ZNF79: variants seen among roughly 807,000 people sequenced by gnomAD.
ZNF79 encodes the protein ZNFpT7.
Under a neutral mutation model 14.9 loss-of-function variants are expected in ZNF79, and 13 were observed. The ratio of observed to expected loss-of-function variants is 0.87; its 90% CI spans 0.57 to 1.38. The LOEUF (loss-of-function observed/expected upper bound fraction) is 1.38. Among genes scored for constraint, ZNF79 ranks in the 40% most tolerant of loss-of-function variants. The probability of loss-of-function intolerance (pLI) is 0.00; values close to 1 mark genes in which losing one functional copy is unlikely to be tolerated. For synonymous variants in ZNF79, 223 were observed against 235.1 expected (o/e 0.95, Z 0.47); for missense variants, 631 against 630.6 (o/e 1.00, Z -0.01).
rs189496135 is a variant in ZNF79 at position 127,441,894 on chromosome 9, G to A, written c.329-2135G>A. Among the ~76,000 whole-genome samples the A allele has an allele frequency of 5.7e-4, 86 of 150,382 alleles. No individual in the cohort carries two copies. In the East Asian group the frequency reaches 0.016, roughly 27 times the overall value. On this transcript the variant is annotated intron_variant, in intron 4 of 4. Transcript: ENST00000342483. ...CGGGAGGCAGAGCTTGCAGTGAGCC[G>A]AGATTGTGCCACTGCACTCCAGCCT...
At chr9:127,425,671 CA>C (rs1325688604) in intron 1 of ZNF79, among the ~76,000 whole-genome samples, 1 of 152,220 alleles carries the variant, frequency 6.6e-6, no homozygotes, top group Non-Finnish European at 1.5e-5. Flanking sequence ...CAGCTCACTG[CA>C]ACCTCCGCCT....
At position 127,435,913 on chromosome 9, in the gene ZNF79, C is replaced by T. The variant is rs145981250; in HGVS notation, c.238C>T (p.Pro80Ser). 1.2e-6 allele frequency: 2 copies of T among 1,613,992 alleles called. No homozygotes were observed. The highest frequency in any genetic ancestry group is 1.3e-5 in the African/African-American group (1 of 74,924). ...TGTTTTTTCCCGTTGAATAGGACTT[C>T]CAGTTTCCCAGCCTGGCATGAACTC... ...KSRSLVLLGL[P>S]VSQPGMNSQL... Residue 80 changes from proline to serine, a missense_variant, in exon 4 of 5, where the codon CCA becomes TCA. Transcript: ENST00000342483.
At chr9:127,429,960 G>A (rs925412615) in intron 2 of ZNF79, among the ~76,000 whole-genome samples, 1 of 152,022 alleles carries the variant, frequency 6.6e-6, no homozygotes, top group African/African-American at 2.4e-5. Context: ...GGAATTACAG[G>A]TGCGCCCTAC....
chr9:127,427,044 T>C (rs981462284), intron 1 of ZNF79, among the ~76,000 whole-genome samples: 16 of 152,128 alleles, frequency 1.1e-4, no homozygotes, highest in Non-Finnish European at 1.9e-4. Flanking sequence ...CAATGACTAA[T>C]GATGTTCAGT....
At position 127,445,318 on chromosome 9, in the gene ZNF79, C is replaced by A; in HGVS notation, c.*121C>A. The A allele has an allele frequency of 1.9e-6, 2 of 1,049,802 alleles. No homozygotes were observed. The highest frequency in any genetic ancestry group is 1.6e-5 in the South Asian group (1 of 63,410). The allele number at this position is 1,049,802 out of a possible 1,614,324, so 65.0% of individuals were successfully genotyped here. Reference sequence around the variant, plus strand: ...AAGACATCTAACTTAGAGTCTGCAGCCCAGAGCCACATGCAAAACACCTTC... The same window carrying A: ...AAGACATCTAACTTAGAGTCTGCAGACCAGAGCCACATGCAAAACACCTTC... On this transcript the variant is annotated 3_prime_UTR_variant, in exon 5 of 5. Transcript: ENST00000342483.
chr9:127,444,218 A>G lies in ZNF79; in HGVS notation c.518A>G (p.Glu173Gly). The G allele has an allele frequency of 6.2e-7, 1 of 1,614,102 alleles. No individual in the cohort carries two copies. Among genetic ancestry groups the G allele is most frequent in the Middle Eastern group, 1.6e-4 (1 of 6,062 alleles). Residue 173 changes from glutamate to glycine, a missense_variant, in exon 5 of 5, where the codon GAG becomes GGG. By Grantham distance (98) the Glu-to-Gly change is moderately conservative. Coordinates refer to ENST00000342483, the MANE Select transcript of ZNF79 (RefSeq NM_007135.3). ...GTGGAAGCGAGACCTCGCAAATGTGAGACACACACCGAGAGCTTCAAGAAC... is the reference window on the plus strand; with the variant it reads ...GTGGAAGCGAGACCTCGCAAATGTGGGACACACACCGAGAGCTTCAAGAAC... ...VPVEARPRKC[E>G]THTESFKNSE...
intron 1 of ZNF79, among the ~76,000 whole-genome samples, chr9:127,427,657 T>G (rs1228392311): frequency 6.7e-6 from 1 of 149,488 alleles, no homozygotes; most frequent in Non-Finnish European, 1.5e-5. Context: ...TCTTTCCACC[T>G]CAGCCTCCCA....
intron 4 of ZNF79, among the ~76,000 whole-genome samples, chr9:127,440,772 G>A (rs752499691): frequency 2.6e-5 from 4 of 152,174 alleles, no homozygotes; most frequent in Non-Finnish European, 4.4e-5. Flanking sequence ...GAGGGGTCAG[G>A]ACATATTTTG....
At position 127,437,345 on chromosome 9, in the gene ZNF79, C is replaced by CG. The variant is rs138821072; in HGVS notation, c.328+1342_328+1343insG. On this transcript the variant is annotated intron_variant, in intron 4 of 4. Coordinates refer to ENST00000342483, the MANE Select transcript of ZNF79 (RefSeq NM_007135.3). ...CTGCTTCCTTCTCTCAAGGCCCCCC[C>CG]CCGCTGCCTGGGCATCTCTGTGTTC... Among the ~76,000 whole-genome samples, 585 of 151,884 alleles carry CG rather than the reference C, an allele frequency of 3.9e-3. 2 individuals carry two copies. The highest frequency in any genetic ancestry group is 6.1e-3 in the Non-Finnish European group (415 of 67,938).
intron 2 of ZNF79, among the ~76,000 whole-genome samples, chr9:127,432,208 C>T (rs6478773): frequency 0.61 from 89,794 of 147,872 alleles, 27,475 homozygotes; most frequent in African/African-American, 0.64. Context: ...AGTGCAGTGG[C>T]GCGATGTCGG....
At position 127,440,114 on chromosome 9, in the gene ZNF79, G is replaced by A. The variant is rs1371765396; in HGVS notation, c.329-3915G>A. Among the ~76,000 whole-genome samples, 3 of 152,056 alleles carry A rather than the reference G, an allele frequency of 2.0e-5. No homozygotes were observed. The East Asian group carries it at 5.8e-4, about 29-fold the overall frequency. ...CCTGACCTCGTGATCTGCCTGCCTC[G>A]GCCTCCCAAAGTGCTGGGATTACAG... On this transcript the variant is annotated intron_variant, in intron 4 of 4. Transcript: ENST00000342483.
In ZNF79 at chr9:127,425,613, GACA is replaced by G. The variant is rs1225492909; in HGVS notation, c.16+811_16+813del. ...TTTGTTTGTTTTGTTTTGTTTTTGA[GACA>G]GAGTCTCGCTCTGTCGCCGAGGCTG... On this transcript the variant is annotated intron_variant, in intron 1 of 4. Transcript: ENST00000342483. 9.9e-5 allele frequency among the ~76,000 whole-genome samples: 15 copies of G among 152,218 alleles called. No individual in the cohort carries two copies. The South Asian group carries it at 2.7e-3, about 27-fold the overall frequency.
rs895471449 is a variant in ZNF79 at position 127,424,617 on chromosome 9, C to T, written c.-171C>T. ...CGGCTGGGCAGGCCCGGACAGCTCC[C>T]GCGACCCAGCACCGCAGGATCAGAC... On this transcript the variant is annotated 5_prime_UTR_variant, in exon 1 of 5. Coordinates refer to ENST00000342483, the MANE Select transcript of ZNF79 (RefSeq NM_007135.3). The T allele has an allele frequency of 4.0e-6, 4 of 992,446 alleles. No individual in the cohort carries two copies. The Admixed American group carries it at 7.1e-5, about 18-fold the overall frequency. 61.5% of individuals were successfully genotyped at this position (992,446 alleles called of 1,614,324 possible). A position where few individuals can be genotyped will look rare whatever the true frequency, so the allele number is the denominator to read the frequency against.
intron 2 of ZNF79, among the ~76,000 whole-genome samples, 169 bp from the exon 3 acceptor site, chr9:127,434,921 G>T (rs111817829): frequency 2.3e-3 from 355 of 152,262 alleles, no homozygotes; most frequent in African/African-American, 8.1e-3. Context: ...CTCCCAAGGC[G>T]CTGGGAGTAC....
chr9:127,424,619 C>G lies in ZNF79; in HGVS notation c.-169C>G. On this transcript the variant is annotated 5_prime_UTR_variant, in exon 1 of 5. Transcript: ENST00000342483. ...GCTGGGCAGGCCCGGACAGCTCCCG[C>G]GACCCAGCACCGCAGGATCAGACCG... 2 of 1,007,132 alleles carry G rather than the reference C, an allele frequency of 2.0e-6. No individual in the cohort carries two copies. The highest frequency in any genetic ancestry group is 3.2e-5 in the South Asian group (2 of 62,564). The allele number at this position is 1,007,132 out of a possible 1,614,324, so 62.4% of individuals were successfully genotyped here.
intron 4 of ZNF79, among the ~76,000 whole-genome samples, chr9:127,443,046 TAAC>T (rs2131963438): frequency 6.6e-6 from 1 of 152,328 alleles, no homozygotes; most frequent in African/African-American, 2.4e-5. Flanking sequence ...ATCTCTAAGA[TAAC>T]AATGCCTTCT....
Position 127,435,968 on chromosome 9 carries a change from T to C in ZNF79, c.293T>C (p.Met98Thr). 1 of 1,614,226 alleles carries C rather than the reference T, an allele frequency of 6.2e-7. No individual in the cohort carries two copies. Residue 98 changes from methionine to threonine, a missense_variant, in exon 4 of 5, where the codon ATG becomes ACG. Coordinates refer to ENST00000342483, the MANE Select transcript of ZNF79 (RefSeq NM_007135.3). ...TTGGAACAAAGGGAAGGCGCATGGA[T>C]GCTGGAGGGCGAAGACCTGCGAAGT... ...SQLEQREGAW[M>T]LEGEDLRSPS... is the part of the protein sequence containing the mutation.
At chr9:127,443,786 A>G (rs965298911) in intron 4 of ZNF79, among the ~76,000 whole-genome samples, 6 of 151,632 alleles carry the variant, frequency 4.0e-5, no homozygotes, top group Non-Finnish European at 1.5e-5. Context: ...CTGTAGTCCC[A>G]GCTACTCGGG....
intron 4 of ZNF79, among the ~76,000 whole-genome samples, chr9:127,440,892 A>G (rs1834036976): frequency 6.6e-6 from 1 of 152,156 alleles, no homozygotes; most frequent in South Asian, 2.1e-4. Context: ...TAGGAAGATT[A>G]ACAAAGGCGC....
Sources: gnomAD v4.1 joint callset for allele counts (sites outside exome capture counted in the v4.1 genomes callset) on GRCh38, gnomAD v4.1.1 for gene constraint, MANE v1.5 for transcripts, NCBI Gene and HGNC (gene_info 2026-07-23, HGNC 2026-07-21) for gene names.